TMEM178B: variants seen among roughly 807,000 people sequenced by gnomAD.
TMEM178B encodes transmembrane protein 178B.
Under a neutral mutation model 31.0 loss-of-function variants are expected in TMEM178B, and 5 were observed. The ratio of observed to expected loss-of-function variants is 0.16; its 90% confidence interval spans 0.08 to 0.34. TMEM178B has a LOEUF of 0.34. Among genes scored for constraint, TMEM178B ranks in the 10% least tolerant of loss-of-function variants. TMEM178B has a pLI of 1.00. For missense variants in TMEM178B, 275 were observed against 400.3 expected (o/e 0.69, Z 2.67); for synonymous variants, 164 against 164.0 (o/e 1.00, Z 0.00).
chr7:141,201,320 G>A (rs941467660), intron 1 of TMEM178B, among the ~76,000 whole-genome samples: 4 of 152,134 alleles, frequency 2.6e-5, no homozygotes, highest in African/African-American at 7.2e-5. Context: ...TCAGTGCTCC[G>A]TGTGACCCTG....
intron 2 of TMEM178B, among the ~76,000 whole-genome samples, chr7:141,375,962 C>T (rs1800205913): frequency 6.6e-6 from 1 of 152,168 alleles, no homozygotes. Context: ...GAGCTGGCAA[C>T]CTGGGGACTA....
At chr7:141,154,621 G>A (rs914943159) in intron 1 of TMEM178B, among the ~76,000 whole-genome samples, 4 of 152,162 alleles carry the variant, frequency 2.6e-5, no homozygotes, top group African/African-American at 7.2e-5. Flanking sequence ...ATGGAAAGGC[G>A]ATGGGCCTGG....
intron 3 of TMEM178B, among the ~76,000 whole-genome samples, chr7:141,454,591 CTCTCTCCTCTCCTT>C (rs933459298): frequency 4.1e-5 from 6 of 147,800 alleles, no homozygotes; most frequent in African/African-American, 1.5e-4. Context: ...TCTCTCTCCT[CTCTCTCCTCTCCTT>C]CCTCTCCTTC....
chr7:141,077,608 T>G (rs962162081), intron 1 of TMEM178B, among the ~76,000 whole-genome samples: 2 of 152,224 alleles, frequency 1.3e-5, no homozygotes, highest in Non-Finnish European at 2.9e-5. Flanking sequence ...GTGTATTCAT[T>G]TGTTTGCATT....
chr7:141,436,296 G>T (rs187056864), intron 2 of TMEM178B, among the ~76,000 whole-genome samples: 36 of 152,290 alleles, frequency 2.4e-4, no homozygotes, highest in African/African-American at 7.9e-4. Context: ...GTCCAGGCAG[G>T]CTGCAGCAGC....
chr7:141,391,322 C>A (rs926225008), intron 2 of TMEM178B, among the ~76,000 whole-genome samples: 1 of 152,042 alleles, frequency 6.6e-6, no homozygotes, highest in African/African-American at 2.4e-5. Context: ...GGCACCACCA[C>A]GCCCGGCTGA....
At chr7:141,458,614 GGAAA>G (rs1802007873) in intron 3 of TMEM178B, among the ~76,000 whole-genome samples, 3 of 151,998 alleles carry the variant, frequency 2.0e-5, no homozygotes, top group Non-Finnish European at 4.4e-5. Context: ...GATGAAAACA[GGAAA>G]CATTTTTTTT....
At chr7:141,418,971 A>G (rs1453967086) in intron 2 of TMEM178B, among the ~76,000 whole-genome samples, 1 of 152,136 alleles carries the variant, frequency 6.6e-6, no homozygotes, top group Non-Finnish European at 1.5e-5. Flanking sequence ...ACAGTAGCAC[A>G]ATCCTGGCTC....
chr7:141,184,725 T>A (rs1225376444), intron 1 of TMEM178B, among the ~76,000 whole-genome samples: 1 of 152,096 alleles, frequency 6.6e-6, no homozygotes, highest in African/African-American at 2.4e-5. Context: ...AAGCAACACA[T>A]CCCCCTGCAT....
chr7:141,102,770 C>T (rs1421735239), intron 1 of TMEM178B, among the ~76,000 whole-genome samples: 1 of 152,202 alleles, frequency 6.6e-6, no homozygotes, highest in Non-Finnish European at 1.5e-5. Context: ...TTATAACCCT[C>T]TCTTATATTT....
At chr7:141,427,369 G>A (rs1284950983) in intron 2 of TMEM178B, among the ~76,000 whole-genome samples, 1 of 152,122 alleles carries the variant, frequency 6.6e-6, no homozygotes, top group Non-Finnish European at 1.5e-5. Flanking sequence ...ACAGACCAAT[G>A]GAACAGAATA....
chr7:141,476,511 C>A lies in TMEM178B; in HGVS notation c.*5725C>A, dbSNP rs957918760. On this transcript the variant is annotated 3_prime_UTR_variant, in exon 4 of 4. Transcript: ENST00000565468. ...CCAAAAGGAATGGGTGGAAGCAAAT[C>A]AGATTCTGAAAGGTTTCAATGATCT... is the stretch of plus-strand genomic sequence containing the variant. 1 of 152,094 alleles carries A rather than the reference C, an allele frequency of 6.6e-6. No homozygotes were observed. The highest frequency in any genetic ancestry group is 1.5e-5 in the Non-Finnish European group (1 of 68,020). 9.4% of individuals were successfully genotyped at this position (152,094 alleles called of 1,614,324 possible).
rs531486459 is a variant in TMEM178B at position 141,412,092 on chromosome 7, G to A, written c.497-25516G>A. ...CTTCATAGTCCTGTATCCCCAAAGA[G>A]CATCTGATTGTGTCAGCTTGTCTTT... On this transcript the variant is annotated intron_variant, in intron 2 of 3. Coordinates refer to ENST00000565468, the MANE Select transcript of TMEM178B (RefSeq NM_001195278.2). 8.7e-4 allele frequency among the ~76,000 whole-genome samples: 133 copies of A among 152,226 alleles called. 2 individuals carry two copies. In the South Asian group the frequency reaches 0.027, roughly 31 times the overall value.
Position 141,421,838 on chromosome 7 carries a change from CT to C in TMEM178B, c.497-15758del, listed in dbSNP as rs201595679. Among the ~76,000 whole-genome samples, 850 of 146,722 alleles carry C rather than the reference CT, an allele frequency of 5.8e-3. 8 individuals carry two copies. The highest frequency in any genetic ancestry group is 0.036 in the East Asian group (182 of 5,060). ...TTTATTTAAAAGACTGTACCTACAA[CT>C]TTTTTTTTTTTCTCACTACAACCTT... is the stretch of plus-strand genomic sequence containing the variant. On this transcript the variant is annotated intron_variant, in intron 2 of 3. Coordinates refer to ENST00000565468, the MANE Select transcript of TMEM178B (RefSeq NM_001195278.2).
intron 2 of TMEM178B, among the ~76,000 whole-genome samples, chr7:141,306,461 C>A (rs66498726): frequency 2.0e-5 from 3 of 151,966 alleles, no homozygotes; most frequent in Admixed American, 1.3e-4. Flanking sequence ...AAAAGGTGTC[C>A]GCTTTCTGAG....
At position 141,475,181 on chromosome 7, in the gene TMEM178B, G is replaced by T. The variant is rs1423088557; in HGVS notation, c.*4395G>T. On this transcript the variant is annotated 3_prime_UTR_variant, in exon 4 of 4. Transcript: ENST00000565468. ...GGAAGAGCTGGTGCACACCAGCAGG[G>T]TTGCCTTCCATGCCATCTTCCAGCT... 1 of 152,146 alleles carries T rather than the reference G, an allele frequency of 6.6e-6. No homozygotes were observed. Among genetic ancestry groups the T allele is most frequent in the Non-Finnish European group, 1.5e-5 (1 of 68,034 alleles). 9.4% of individuals were successfully genotyped at this position (152,146 alleles called of 1,614,324 possible).
intron 1 of TMEM178B, among the ~76,000 whole-genome samples, chr7:141,188,263 G>A (rs1796643817): frequency 6.6e-6 from 1 of 152,120 alleles, no homozygotes; most frequent in South Asian, 2.1e-4. Flanking sequence ...AGTAGGTATG[G>A]GTTGAGCATC....
chr7:141,194,241 A>G (rs1425443658), intron 1 of TMEM178B, among the ~76,000 whole-genome samples: 4 of 152,156 alleles, frequency 2.6e-5, no homozygotes, highest in Admixed American at 2.0e-4. Context: ...TATTTCAGCA[A>G]TTACCCAAAA....
chr7:141,440,728 A>C (rs1019369801), intron 3 of TMEM178B, among the ~76,000 whole-genome samples: 5 of 152,188 alleles, frequency 3.3e-5, no homozygotes, highest in African/African-American at 1.2e-4. Flanking sequence ...TGTTAGCATC[A>C]CAGAAAGATC....
Sources: gnomAD v4.1 joint callset for allele counts (sites outside exome capture counted in the v4.1 genomes callset) on GRCh38, gnomAD v4.1.1 for gene constraint, MANE v1.5 for transcripts, NCBI Gene and HGNC (gene_info 2026-07-23, HGNC 2026-07-21) for gene names.